SOX6: variants seen among roughly 807,000 people sequenced by gnomAD.
SOX6 encodes SRY-box transcription factor 6.
A neutral mutation model predicts 97.8 loss-of-function variants in SOX6; 11 were observed. That is an observed-to-expected ratio of 0.11 (90% CI 0.07 to 0.19). The LOEUF (loss-of-function observed/expected upper bound fraction) is 0.19. Ranked by LOEUF, SOX6 falls within the 10% of genes least tolerant of loss-of-function variation. SOX6 has a pLI of 1.00. For missense variants in SOX6, 810 were observed against 1,039.5 expected, an observed-to-expected ratio of 0.78 and a Z score of 3.04; for synonymous variants, 360 against 371.4, an observed-to-expected ratio of 0.97 and a Z score of 0.35.
chr11:16,445,108 A>C (rs533882422), intron 1 of SOX6, among the ~76,000 whole-genome samples: 1 of 152,350 alleles, frequency 6.6e-6, no homozygotes, highest in South Asian at 2.1e-4. Flanking sequence ...TATGATTCTA[A>C]GACCCAGAAG....
intron 7 of SOX6, among the ~76,000 whole-genome samples, chr11:16,098,840 T>C (rs997748849): frequency 6.6e-6 from 1 of 151,846 alleles, no homozygotes; most frequent in African/African-American, 2.4e-5. Flanking sequence ...GGCAGTCAAC[T>C]GGAAAGCAAG....
At chr11:16,428,246 G>A (rs1379293273) in intron 1 of SOX6, among the ~76,000 whole-genome samples, 7 of 151,784 alleles carry the variant, frequency 4.6e-5, no homozygotes, top group Non-Finnish European at 8.8e-5. Context: ...AGATGAGTAG[G>A]TTGCAAAAAT....
intron 1 of SOX6, among the ~76,000 whole-genome samples, chr11:16,442,205 C>T (rs1054856228): frequency 6.6e-6 from 1 of 152,156 alleles, no homozygotes; most frequent in South Asian, 2.1e-4. Context: ...AACTTTTCAA[C>T]TTGTAAAGCA....
intron 1 of SOX6, among the ~76,000 whole-genome samples, chr11:16,346,281 T>A (rs1348285899): frequency 6.6e-6 from 1 of 152,006 alleles, no homozygotes; most frequent in African/African-American, 2.4e-5. Context: ...AACAGATATG[T>A]TTAGTTGCCA....
chr11:16,213,631 C>T (rs562920894), intron 4 of SOX6, among the ~76,000 whole-genome samples: 28 of 152,170 alleles, frequency 1.8e-4, no homozygotes, highest in Non-Finnish European at 3.8e-4. Context: ...CCACCAAGCA[C>T]ACAGTATACA....
chr11:16,522,315 G>T (rs1861081350), intron 4 of SOX6, among the ~76,000 whole-genome samples: 1 of 151,966 alleles, frequency 6.6e-6, no homozygotes, highest in African/African-American at 2.4e-5. Flanking sequence ...AAGACAGTGG[G>T]GGCCAATATT....
At chr11:16,019,633 A>G (rs1426013721) in intron 12 of SOX6, among the ~76,000 whole-genome samples, 1 of 152,166 alleles carries the variant, frequency 6.6e-6, no homozygotes, top group African/African-American at 2.4e-5. Flanking sequence ...ATAATTATGG[A>G]TTTAGAAACA....
At chr11:16,164,611 CA>C (rs1850836762) in intron 6 of SOX6, among the ~76,000 whole-genome samples, 1 of 151,970 alleles carries the variant, frequency 6.6e-6, no homozygotes, top group Non-Finnish European at 1.5e-5. Context: ...ATCACGAGGT[CA>C]GGGGTTGAGA....
chr11:16,266,422 T>C (rs1376850005), intron 3 of SOX6, among the ~76,000 whole-genome samples: 1 of 151,500 alleles, frequency 6.6e-6, no homozygotes, highest in Non-Finnish European at 1.5e-5. Flanking sequence ...GTAAGGAATA[T>C]TAAAGGAAAT....
intron 3 of SOX6, chr11:16,264,655 T>A (rs1854014530): frequency 7.1e-6 from 1 of 141,078 alleles, no homozygotes; most frequent in Non-Finnish European, 1.5e-5. Flanking sequence ...AATTTGTTTC[T>A]GAAAGACTTA....
intron 4 of SOX6, among the ~76,000 whole-genome samples, chr11:16,606,182 C>T (rs1186136501): frequency 2.6e-5 from 4 of 151,730 alleles, no homozygotes; most frequent in Non-Finnish European, 5.9e-5. Context: ...GGTAGGCTAG[C>T]TGCCTGCCTT....
At chr11:16,362,957 T>C (rs1857247859) in intron 1 of SOX6, among the ~76,000 whole-genome samples, 1 of 152,194 alleles carries the variant, frequency 6.6e-6, no homozygotes. Flanking sequence ...ACTATGCCGT[T>C]AACTTATAAA....
At chr11:16,045,852 T>C (rs1449487240) in intron 12 of SOX6, among the ~76,000 whole-genome samples, 1 of 152,238 alleles carries the variant, frequency 6.6e-6, no homozygotes, top group Non-Finnish European at 1.5e-5. Flanking sequence ...GCTTCTATTT[T>C]TTCTCACGGC....
intron 4 of SOX6, among the ~76,000 whole-genome samples, chr11:16,234,005 C>CAAAAAAAAAA (rs751876773): frequency 1.8e-5 from 1 of 55,926 alleles, no homozygotes; most frequent in African/African-American, 5.9e-5. Context: ...GACTGCATCT[C>CAAAAAAAAAA]AAAAAAAAAA....
chr11:16,535,230 T>A (rs550741443), intron 4 of SOX6, among the ~76,000 whole-genome samples: 5 of 152,340 alleles, frequency 3.3e-5, no homozygotes, highest in African/African-American at 1.2e-4. Context: ...TAAATGTATC[T>A]ACAAAATGTA....
intron 12 of SOX6, among the ~76,000 whole-genome samples, chr11:16,026,073 G>A (rs1855209338): frequency 6.6e-6 from 1 of 152,100 alleles, no homozygotes; most frequent in African/African-American, 2.4e-5. Flanking sequence ...CTTCCACTGA[G>A]CTACTCTTAC....
Position 16,097,693 on chromosome 11 carries a change from C to A in SOX6, c.899-5G>T. The A allele has an allele frequency of 1.2e-6, 2 of 1,609,980 alleles. No homozygotes were observed. The highest frequency in any genetic ancestry group is 8.5e-7 in the Non-Finnish European group (1 of 1,177,124). ...ACTGTACGGGGTAGTTATCACCTGT[C>A]GGAAAGAACAATGCATACAGGTTTA... is the stretch of plus-strand genomic sequence containing the variant. On this transcript the variant is annotated splice_polypyrimidine_tract_variant and splice_region_variant and intron_variant, in intron 7 of 15. Transcript: ENST00000683767.
At chr11:16,521,082 C>T (rs1159840581) in intron 4 of SOX6, among the ~76,000 whole-genome samples, 1 of 152,232 alleles carries the variant, frequency 6.6e-6, no homozygotes, top group Non-Finnish European at 1.5e-5. Context: ...CAGCAGTAAC[C>T]TCTGCAGACT....
chr11:16,708,450 TA>T (rs1564873971), intron 3 of SOX6, among the ~76,000 whole-genome samples: 1 of 152,304 alleles, frequency 6.6e-6, no homozygotes, highest in Non-Finnish European at 1.5e-5. Flanking sequence ...AAAGTAAATT[TA>T]AAAAAATTAA....
Sources: allele counts gnomAD v4.1 joint callset (sites outside exome capture counted in the v4.1 genomes callset), GRCh38; gene constraint gnomAD v4.1.1; transcripts MANE v1.5; gene names NCBI Gene and HGNC (gene_info 2026-07-23, HGNC 2026-07-21).